Variants in ACAN observed in about 807,000 individuals in gnomAD.
The protein encoded by ACAN is aggrecan core protein.
A neutral mutation model predicts 169.1 loss-of-function variants in ACAN; 47 were observed. The observed-to-expected ratio is 0.28, with a 90% CI of 0.22 to 0.35. The LOEUF (loss-of-function observed/expected upper bound fraction) is 0.35. Ranked by LOEUF, ACAN falls within the 10% of genes least tolerant of loss-of-function variation. The pLI is 1.00. For synonymous variants in ACAN, 1,115 were observed against 1,112.2 expected (o/e 1.00, Z -0.05); for missense variants, 2,716 against 2,759.9 (o/e 0.98, Z 0.36).
At chr15:88,815,670 A>T (rs1016738921) in intron 1 of ACAN, among the ~76,000 whole-genome samples, 1 of 150,684 alleles carries the variant, frequency 6.6e-6, no homozygotes, top group Non-Finnish European at 1.5e-5. Context: ...AAAAAAAAAA[A>T]AAAAAAAAAA....
chr15:88,867,535 C>G (rs1897299957), intron 13 of ACAN, among the ~76,000 whole-genome samples: 1 of 152,148 alleles, frequency 6.6e-6, no homozygotes, highest in Admixed American at 6.5e-5. Flanking sequence ...GACAGGGTTT[C>G]CATCCCTCTC....
At position 88,841,642 on chromosome 15, in the gene ACAN, G is replaced by T. The variant is rs991680891; in HGVS notation, c.630-98G>T. On this transcript the variant is annotated intron_variant, in intron 4 of 18. Coordinates refer to ENST00000560601, the MANE Select transcript of ACAN (RefSeq NM_001369268.1). Reference sequence around the variant, plus strand: ...GAGACATTGTCAAATGCAATATTAAGTTGCTGTTTCCTCCCACGGGAGGAG... The same window carrying T: ...GAGACATTGTCAAATGCAATATTAATTTGCTGTTTCCTCCCACGGGAGGAG... 5 of 1,462,644 alleles carry T rather than the reference G, an allele frequency of 3.4e-6. No homozygotes were observed. The South Asian group carries it at 6.1e-5, about 18-fold the overall frequency. 90.6% of individuals were successfully genotyped at this position (1,462,644 alleles called of 1,614,324 possible). A position where few individuals can be genotyped will look rare whatever the true frequency, so the allele number is the denominator to read the frequency against.
Position 88,847,403 on chromosome 15 carries a change from G to A in ACAN, c.1590G>A (p.Arg530=). ...GYEQCDAGWL[R]DQTVRYPIVS... is the part of the protein sequence containing the mutation. ...AGCAGTGTGACGCCGGCTGGCTGCG[G>A]GACCAGACCGTCAGGTGAAGCCATG... The change falls in exon 8 of 19, where the codon CGG becomes CGA. Residue 530 remains arginine (R), a synonymous_variant. Transcript: ENST00000560601. 1 of 1,577,038 alleles carries A rather than the reference G, an allele frequency of 6.3e-7. No homozygotes were observed. Among genetic ancestry groups the A allele is most frequent in the Middle Eastern group, 1.7e-4 (1 of 5,760 alleles).
At chr15:88,834,566 G>T in intron 1 of ACAN, among the ~76,000 whole-genome samples, 1 of 152,244 alleles carries the variant, frequency 6.6e-6, no homozygotes, top group Non-Finnish European at 1.5e-5. Flanking sequence ...ACGGGCGAGA[G>T]TTGCTGAAAT....
At chr15:88,808,002 C>A (rs768831235) in intron 1 of ACAN, among the ~76,000 whole-genome samples, 2 of 152,146 alleles carry the variant, frequency 1.3e-5, no homozygotes, top group Non-Finnish European at 2.9e-5. Context: ...AAAAAGGAGC[C>A]ACCTCTTCTG....
chr15:88,859,197 T>A lies in ACAN; in HGVS notation c.6612T>A (p.Gly2204=), dbSNP rs755822949. 3 of 1,613,724 alleles carry A rather than the reference T, an allele frequency of 1.9e-6. No homozygotes were observed. The Admixed American group carries it at 5.0e-5, about 27-fold the overall frequency. ...DRTEISGDLS[G]HTSQLGVVIS... ...CTGAAATCAGCGGAGACCTGTCTGG[T>A]CACACCTCGCAGCTGGGCGTTGTCA... The change falls in exon 12 of 19, where the codon GGT becomes GGA. Residue 2204 remains glycine, a synonymous_variant. Coordinates refer to ENST00000560601, the MANE Select transcript of ACAN (RefSeq NM_001369268.1).
At chr15:88,816,982 T>A (rs1895956702) in intron 1 of ACAN, among the ~76,000 whole-genome samples, 1 of 152,200 alleles carries the variant, frequency 6.6e-6, no homozygotes, top group Admixed American at 6.5e-5. Context: ...GCCTACTCCC[T>A]TCCCCACTGA....
Position 88,833,492 on chromosome 15 carries a change from G to A in ACAN, c.-7-2708G>A, listed in dbSNP as rs573189440. Among the ~76,000 whole-genome samples, 24 of 152,190 alleles carry A rather than the reference G, an allele frequency of 1.6e-4. No homozygotes were observed. The East Asian group carries it at 4.5e-3, about 28-fold the overall frequency. ...GGAGAAAGGCCTCCCTGTTGACAGG[G>A]CCGTGCTGGGACTCAGGGCTGCCAA... On this transcript the variant is annotated intron_variant, in intron 1 of 18. Transcript: ENST00000560601.
At chr15:88,821,973 T>A (rs1896087562) in intron 1 of ACAN, among the ~76,000 whole-genome samples, 1 of 152,234 alleles carries the variant, frequency 6.6e-6, no homozygotes, top group African/African-American at 2.4e-5. Flanking sequence ...CCAGTTGTCC[T>A]CTTCTAGAGG....
At chr15:88,808,043 CG>C (rs1567161510) in intron 1 of ACAN, among the ~76,000 whole-genome samples, 2 of 151,586 alleles carry the variant, frequency 1.3e-5, no homozygotes, top group East Asian at 1.9e-4. Flanking sequence ...TATGTGGGGG[CG>C]GGGGTGCCTG....
At chr15:88,826,829 G>A (rs1295338370) in intron 1 of ACAN, among the ~76,000 whole-genome samples, 1 of 152,138 alleles carries the variant, frequency 6.6e-6, no homozygotes, top group African/African-American at 2.4e-5. Context: ...CTTGAAATGT[G>A]TTTGTTGACT....
At chr15:88,836,345 T>TC in intron 2 of ACAN, 69 bp downstream of exon 2, 1 of 1,326,584 alleles carries the variant, frequency 7.5e-7, no homozygotes, top group Non-Finnish European at 1.1e-6. Context: ...TACTGGGTAC[T>TC]GAACCTGGTG....
Position 88,849,709 on chromosome 15 carries a change from G to T in ACAN, c.2004G>T (p.Arg668=). The T allele has an allele frequency of 6.2e-7, 1 of 1,613,798 alleles. No homozygotes were observed. The highest frequency in any genetic ancestry group is 8.5e-7 in the Non-Finnish European group (1 of 1,179,864). ...CGGGCCTCCCAGACCCACTGTCCCG[G>T]CACCATGCCTTCTGCTTCCGAGGTA... is the stretch of plus-strand genomic sequence containing the variant. ...NQTGLPDPLS[R]HHAFCFRGIS... Residue 668 remains arginine (R), a synonymous_variant, in exon 10 of 19, where the codon CGG becomes CGT. Transcript: ENST00000560601. This position sits in a 1 kb window ranked among gnomAD's most constrained non-coding sequence, Gnocchi z 5.1.
intron 1 of ACAN, among the ~76,000 whole-genome samples, chr15:88,834,565 A>G (rs1896452613): frequency 6.6e-6 from 1 of 152,352 alleles, no homozygotes; most frequent in South Asian, 2.1e-4. Flanking sequence ...CACGGGCGAG[A>G]GTTGCTGAAA....
chr15:88,865,732 A>G (rs1261103715), intron 13 of ACAN, among the ~76,000 whole-genome samples: 1 of 152,080 alleles, frequency 6.6e-6, no homozygotes, highest in African/African-American at 2.4e-5. Context: ...CAACTCCTCT[A>G]TCAGTTCCAG....
chr15:88,840,597 G>A (rs1896627883), intron 4 of ACAN, among the ~76,000 whole-genome samples: 2 of 152,284 alleles, frequency 1.3e-5, no homozygotes, highest in Non-Finnish European at 2.9e-5. Context: ...TTGCTGAGGA[G>A]TGAGGTGCAG....
chr15:88,862,168 G>C lies in ACAN; in HGVS notation c.6946+1729G>C, dbSNP rs371143714. Reference sequence around the variant, plus strand: ...GACTTCAGGGGAGCCAGAATGGGGAGGAGCTGAGGAATCTGAGGTGGTCGG... The same window carrying C: ...GACTTCAGGGGAGCCAGAATGGGGACGAGCTGAGGAATCTGAGGTGGTCGG... On this transcript the variant is annotated intron_variant, in intron 13 of 18. Transcript: ENST00000560601. Among the ~76,000 whole-genome samples, 17 of 152,344 alleles carry C rather than the reference G, an allele frequency of 1.1e-4. 1 individual carries two copies. Among genetic ancestry groups the C allele is most frequent in the Admixed American group, 1.1e-3 (17 of 15,304 alleles).
At chr15:88,821,869 A>C (rs1896085002) in intron 1 of ACAN, among the ~76,000 whole-genome samples, 1 of 152,210 alleles carries the variant, frequency 6.6e-6, no homozygotes, top group South Asian at 2.1e-4. Flanking sequence ...TTACACTCAC[A>C]GTTACGGTTT....
chr15:88,848,008 G>A lies in ACAN; in HGVS notation c.1702G>A (p.Asp568Asn), dbSNP rs775104367. The A allele has an allele frequency of 2.7e-5, 43 of 1,613,802 alleles. No homozygotes were observed. Among genetic ancestry groups the A allele is most frequent in the Non-Finnish European group, 3.0e-5 (35 of 1,179,866 alleles). ...YGVRPSTETY[D>N]VYCFVDRLEG... ...CGTGCGCCCATCAACAGAGACCTACGATGTCTACTGCTTTGTAGACAGACT... is the reference window on the plus strand; with the variant it reads ...CGTGCGCCCATCAACAGAGACCTACAATGTCTACTGCTTTGTAGACAGACT... Residue 568 changes from aspartate to asparagine, a missense_variant, in exon 9 of 19, where the codon GAT (aspartate) becomes AAT (asparagine). By Grantham distance (23) the Asp-to-Asn change is conservative. Coordinates refer to ENST00000560601, the MANE Select transcript of ACAN (RefSeq NM_001369268.1).
Sources: gnomAD v4.1 joint callset for allele counts (sites outside exome capture counted in the v4.1 genomes callset) on GRCh38, gnomAD v4.1.1 for gene constraint, Gnocchi (gnomAD v3.1) non-coding constraint, MANE v1.5 for transcripts, NCBI Gene and HGNC (gene_info 2026-07-23, HGNC 2026-07-21) for gene names.